Variants in UBR4 observed in about 807,000 individuals in gnomAD.
The protein encoded by UBR4 is ubiquitin protein ligase E3 component n-recognin 4, also known as E3 ubiquitin-protein ligase UBR4.
A neutral mutation model predicts 575.6 loss-of-function variants in UBR4; 124 were observed. That is an observed-to-expected ratio of 0.22 (90% confidence interval 0.19 to 0.25). UBR4 has a LOEUF of 0.25. UBR4 is among the 10% of genes least tolerant of loss of function. The pLI is 1.00. For missense variants in UBR4, 4,818 were observed against 6,478.8 expected (o/e 0.74, Z 8.80); for synonymous variants, 2,455 against 2,473.7 (o/e 0.99, Z 0.22).
Position 19,095,669 on chromosome 1 carries a change from G to A in UBR4, c.13519-17C>T. 1 of 1,612,876 alleles carries A rather than the reference G, an allele frequency of 6.2e-7. No individual in the cohort carries two copies. Among genetic ancestry groups the A allele is most frequent in the Non-Finnish European group, 8.5e-7 (1 of 1,179,042 alleles). On this transcript the variant is annotated splice_polypyrimidine_tract_variant and intron_variant, in intron 92 of 105. Coordinates refer to ENST00000375254, the MANE Select transcript of UBR4 (RefSeq NM_020765.3). ...CAGTAGCACCTGACAAGAAAAGCCA[G>A]TCAAAACCCATGAGGCCACATGAGA...
chr1:19,136,494 A>ACTCT (rs2083215275), intron 60 of UBR4, among the ~76,000 whole-genome samples: 1 of 152,210 alleles, frequency 6.6e-6, no homozygotes, highest in South Asian at 2.1e-4. Context: ...AAAACAGAGT[A>ACTCT]AACAACTTCC....
intron 97 of UBR4, among the ~76,000 whole-genome samples, chr1:19,092,319 A>G (rs1357396684): frequency 6.6e-6 from 1 of 152,112 alleles, no homozygotes; most frequent in Non-Finnish European, 1.5e-5. Context: ...AATAATCTCC[A>G]AATTAAAACT....
chr1:19,092,991 G>C, intron 96 of UBR4, 73 bp from the exon 97 acceptor site: 5 of 1,392,392 alleles, frequency 3.6e-6, no homozygotes, highest in Non-Finnish European at 4.0e-6. Context: ...GTTGACTCTG[G>C]CTTGTTTAAA....
chr1:19,075,121 T>C (rs2075796696), intron 105 of UBR4: 1 of 577,884 alleles, frequency 1.7e-6, no homozygotes, highest in Admixed American at 2.9e-5. Flanking sequence ...GGTGTTTTTG[T>C]TCTCACATTT....
At position 19,147,011 on chromosome 1, in the gene UBR4, A is replaced by G. The variant is rs112656351; in HGVS notation, c.7630-11T>C. On this transcript the variant is annotated splice_polypyrimidine_tract_variant and intron_variant, in intron 51 of 105. Coordinates refer to ENST00000375254, the MANE Select transcript of UBR4 (RefSeq NM_020765.3). Reference sequence around the variant, plus strand: ...CAGCAAGGCCTGATCCTGTAAAACAACAGGAGCACAGAGGGTCAGCCATAA... The same window carrying G: ...CAGCAAGGCCTGATCCTGTAAAACAGCAGGAGCACAGAGGGTCAGCCATAA... 1.3e-6 allele frequency: 2 copies of G among 1,582,786 alleles called. No individual in the cohort carries two copies. Among genetic ancestry groups the G allele is most frequent in the Non-Finnish European group, 8.6e-7 (1 of 1,159,480 alleles).
chr1:19,169,677 A>G, intron 26 of UBR4, 145 bp from the exon 27 acceptor site: 1 of 594,832 alleles, frequency 1.7e-6, no homozygotes, highest in Non-Finnish European at 2.9e-6. Flanking sequence ...TAGATATTTC[A>G]ATAGCAGTAC....
intron 65 of UBR4, 39 bp downstream of exon 65, chr1:19,124,502 C>G (rs766986525): frequency 1.2e-6 from 2 of 1,610,018 alleles, no homozygotes; most frequent in East Asian, 4.5e-5. Flanking sequence ...CAGATGTGTC[C>G]TCAGCCCAAC....
In UBR4 at chr1:19,154,949, C is replaced by T; in HGVS notation, c.6427G>A (p.Val2143Met). 6.2e-7 allele frequency: 1 copy of T among 1,614,172 alleles called. No homozygotes were observed. The highest frequency in any genetic ancestry group is 2.2e-5 in the East Asian group (1 of 44,888). Residue 2143 changes from valine to methionine, a missense_variant, in exon 44 of 106, where the codon GTG becomes ATG. Coordinates refer to ENST00000375254, the MANE Select transcript of UBR4 (RefSeq NM_020765.3). Reference sequence around the variant, plus strand: ...ATGTTGATGGGGAAGAGTTGCAACACCTCCAGGGTTGTCCTGCTGATGGTG... The same window carrying T: ...ATGTTGATGGGGAAGAGTTGCAACATCTCCAGGGTTGTCCTGCTGATGGTG... The part of the protein sequence containing the change: ...AATISRTTLE[V>M]LQLFPINIKS...
intron 11 of UBR4, among the ~76,000 whole-genome samples, chr1:19,189,163 C>G (rs2091833517): frequency 6.6e-6 from 1 of 151,732 alleles, no homozygotes; most frequent in Non-Finnish European, 1.5e-5. Flanking sequence ...GACAAGCAAA[C>G]ATGAAGACTA....
intron 9 of UBR4, among the ~76,000 whole-genome samples, chr1:19,192,902 C>A (rs1277993354): frequency 6.6e-6 from 1 of 152,082 alleles, no homozygotes; most frequent in African/African-American, 2.4e-5. Flanking sequence ...CCTGCCTCAG[C>A]CTCCAGAGTA....
Position 19,088,804 on chromosome 1 carries a change from C to T in UBR4, c.14385G>A (p.Met4795Ile). The change falls in exon 98 of 106, where the codon ATG (methionine) becomes ATA (isoleucine). Residue 4795 changes from methionine (M) to isoleucine (I), a missense_variant. By Grantham distance (10) the Met-to-Ile change is conservative. Around this residue, in one of 29 missense-constraint regions of UBR4, gnomAD observed 196 missense variants for 386.8 expected, o/e 0.51. Coordinates refer to ENST00000375254, the MANE Select transcript of UBR4 (RefSeq NM_020765.3). The surrounding 1 kb of genome is among the most constrained non-coding windows in gnomAD (Gnocchi z 4.0). The stretch of plus-strand genomic sequence containing the variant: ...GGGCCTTCTGCCTCATTGCCATGGC[C>T]ATGCGCTTCTTCTCTGCCCGGGTCT... The part of the protein sequence containing the change: ...RRETRAEKKR[M>I]AMAMRQKALG... 1 of 1,614,090 alleles carries T rather than the reference C, an allele frequency of 6.2e-7. No individual in the cohort carries two copies. The highest frequency in any genetic ancestry group is 1.1e-5 in the South Asian group (1 of 91,076).
chr1:19,150,495 G>A (rs1318948897), intron 49 of UBR4, 82 bp downstream of exon 49: 15 of 1,456,442 alleles, frequency 1.0e-5, no homozygotes, highest in Non-Finnish European at 1.3e-5. Flanking sequence ...GTTATTAGAA[G>A]CTGGCTCTCT....
At position 19,076,909 on chromosome 1, in the gene UBR4, G is replaced by A. The variant is rs778614189; in HGVS notation, c.15325-7C>T. ...TGTTACTGGTAGGCACCTTCTACGA[G>A]AATCAACAGGAGACAAGAGAGGTGG... On this transcript the variant is annotated splice_polypyrimidine_tract_variant and splice_region_variant and intron_variant, in intron 104 of 105. Transcript: ENST00000375254. 4 of 1,542,572 alleles carry A rather than the reference G, an allele frequency of 2.6e-6. No individual in the cohort carries two copies. The South Asian group carries it at 5.1e-5, about 20-fold the overall frequency.
intron 52 of UBR4, chr1:19,146,142 A>T: frequency 6.7e-7 from 1 of 1,500,298 alleles, no homozygotes. Flanking sequence ...ATTGTATGTT[A>T]GAATTAAGTA....
rs2088002303 is a variant in UBR4, at chr1:19,164,700, T to C, written c.4511+99A>G. On this transcript the variant is annotated intron_variant, in intron 32 of 105. Transcript: ENST00000375254. ...TAGAGAGAGGTAGATACAAAAATGC[T>C]GAGAATGCTAAGACTGGTGCCCGAA... 5 of 1,450,590 alleles carry C rather than the reference T, an allele frequency of 3.4e-6. No homozygotes were observed. In the Admixed American group the frequency reaches 8.9e-5, roughly 26 times the overall value. The allele number at this position is 1,450,590 out of a possible 1,614,324, so 89.9% of individuals were successfully genotyped here.
Position 19,113,965 on chromosome 1 carries a change from C to A in UBR4, c.11308G>T (p.Ala3770Ser). 6.2e-7 allele frequency: 1 copy of A among 1,614,230 alleles called. No homozygotes were observed. Among genetic ancestry groups the A allele is most frequent in the South Asian group, 1.1e-5 (1 of 91,088 alleles). Residue 3770 changes from alanine (A) to serine (S), a missense_variant, in exon 76 of 106, where the codon GCA (alanine) becomes TCA (serine). Transcript: ENST00000375254. ...LENLLCKVNE[A>S]APEKPQDDSG... is the part of the protein sequence containing the mutation. ...ACTACCTGTGGCTTTTCTGGAGCTGCCTCATTCACTTTGCAGAGCAGGTTC... is the reference window on the plus strand; with the variant it reads ...ACTACCTGTGGCTTTTCTGGAGCTGACTCATTCACTTTGCAGAGCAGGTTC...
At chr1:19,145,673 T>C in intron 53 of UBR4, 120 bp downstream of exon 53, 1 of 1,288,746 alleles carries the variant, frequency 7.8e-7, no homozygotes. Flanking sequence ...TTCCCAATTA[T>C]GAGTTCTGGA....
intron 60 of UBR4, among the ~76,000 whole-genome samples, chr1:19,132,604 G>GA (rs1557716278): frequency 1.0e-4 from 2 of 19,948 alleles, no homozygotes; most frequent in Non-Finnish European, 1.8e-4. Context: ...GTAAAAAATG[G>GA]TAAAAAAAAA....
intron 77 of UBR4, 53 bp downstream of exon 77, chr1:19,113,646 A>C (rs904860813): frequency 1.1e-5 from 18 of 1,604,684 alleles, no homozygotes; most frequent in Admixed American, 6.7e-5. Flanking sequence ...TGTGAAAACA[A>C]CACCAGTAAC....
Sources: gnomAD v4.1 joint callset for allele counts (sites outside exome capture counted in the v4.1 genomes callset) on GRCh38, gnomAD v4.1.1 for gene constraint, gnomAD v4.1.1 regional missense constraint, Gnocchi (gnomAD v3.1) non-coding constraint, MANE v1.5 for transcripts, NCBI Gene and HGNC (gene_info 2026-07-23, HGNC 2026-07-21) for gene names.